ZFHX3: variants seen among roughly 807,000 people sequenced by gnomAD.
ZFHX3 encodes the protein zinc finger homeobox protein 3.
ZFHX3 carries 42 observed loss-of-function variants against 279.1 expected under a neutral mutation model. That is an observed-to-expected ratio of 0.15 (90% CI 0.12 to 0.19). ZFHX3 has a LOEUF of 0.19. Among genes scored for constraint, ZFHX3 ranks in the 10% least tolerant of loss-of-function variants. ZFHX3 has a pLI of 1.00. For synonymous variants in ZFHX3, 2,293 were observed against 1,957.8 expected (o/e 1.17, Z -4.52); for missense variants, 4,981 against 4,754.0 (o/e 1.05, Z -1.40).
rs181255397 is a variant in ZFHX3, at chr16:73,740,267, G to A, written c.-1607-60027C>T. Among the ~76,000 whole-genome samples, 39 of 151,212 alleles carry A rather than the reference G, an allele frequency of 2.6e-4. 1 individual carries two copies. The highest frequency in any genetic ancestry group is 9.4e-4 in the African/African-American group (38 of 40,604). ...TCCTCTACACACTCCTTGGGCACTG[G>A]GCTTGCTTTGTGTCATTAACTACCA... On this transcript the variant is annotated intron_variant, in intron 1 of 17. Transcript: ENST00000641206.
At chr16:73,340,499 G>C (rs1279728488) in intron 3 of ZFHX3, among the ~76,000 whole-genome samples, 1 of 152,160 alleles carries the variant, frequency 6.6e-6, no homozygotes, top group Non-Finnish European at 1.5e-5. Context: ...TGGGATTATA[G>C]GTGCATGCCA....
chr16:73,778,236 TAAAAAAAAAAAAA>T (rs10654824), intron 1 of ZFHX3, among the ~76,000 whole-genome samples: 1 of 58,706 alleles, frequency 1.7e-5, no homozygotes, highest in African/African-American at 7.9e-5. Flanking sequence ...GAAGGAGTGT[TAAAAAAAAAAAAA>T]AAAAAAAAAA....
intron 3 of ZFHX3, among the ~76,000 whole-genome samples, chr16:72,947,736 G>A (rs952313117): frequency 1.8e-4 from 27 of 152,136 alleles, no homozygotes; most frequent in African/African-American, 6.5e-4. Context: ...TGAGGAAGGA[G>A]GGTTGTGTGT....
intron 3 of ZFHX3, among the ~76,000 whole-genome samples, chr16:73,375,732 T>G (rs1216754441): frequency 6.6e-6 from 1 of 152,202 alleles, no homozygotes; most frequent in Non-Finnish European, 1.5e-5. Context: ...AATACTTATT[T>G]GCTTTATCCC....
chr16:73,093,764 C>T (rs779656784), intron 7 of ZFHX3: 75 of 271,082 alleles, frequency 2.8e-4, no homozygotes, highest in Non-Finnish European at 3.8e-4. Flanking sequence ...GAAAGAAAAA[C>T]GCAACCTAAA....
chr16:73,402,531 T>C (rs1361337327), intron 3 of ZFHX3: 2 of 152,194 alleles, frequency 1.3e-5, no homozygotes, highest in Non-Finnish European at 2.9e-5. Context: ...TCTACTTAAC[T>C]TGTTGAGAAT....
chr16:73,427,772 A>G (rs563131948), intron 3 of ZFHX3, among the ~76,000 whole-genome samples: 1 of 141,962 alleles, frequency 7.0e-6, no homozygotes, highest in South Asian at 2.2e-4. Context: ...TGTCTCTACT[A>G]AAAAAAAAAA....
At chr16:73,050,926 A>C (rs1054053738), upstream of ZFHX3, among the ~76,000 whole-genome samples, 5 of 152,158 alleles carry the variant, frequency 3.3e-5, no homozygotes, top group Non-Finnish European at 7.4e-5. Context: ...CCACTCTCCA[A>C]GCCAGAGGCC....
At chr16:72,865,532 C>T (rs1372287151) in intron 4 of ZFHX3, among the ~76,000 whole-genome samples, 1 of 152,220 alleles carries the variant, frequency 6.6e-6, no homozygotes, top group Non-Finnish European at 1.5e-5. Flanking sequence ...TGTCCCCACC[C>T]AATGTGCCAA....
chr16:73,353,150 T>C (rs1425689091), intron 3 of ZFHX3, among the ~76,000 whole-genome samples: 1 of 152,198 alleles, frequency 6.6e-6, no homozygotes, highest in Non-Finnish European at 1.5e-5. Context: ...GCATTCATGA[T>C]TGACCTGCTG....
intron 8 of ZFHX3, among the ~76,000 whole-genome samples, chr16:73,073,535 T>C (rs1965849476): frequency 6.6e-6 from 1 of 152,132 alleles, no homozygotes; most frequent in Admixed American, 6.5e-5. Context: ...GTATCACTCT[T>C]TTGCCCAGGT....
chr16:73,139,438 A>C (rs186019194), intron 6 of ZFHX3, among the ~76,000 whole-genome samples: 1 of 152,354 alleles, frequency 6.6e-6, no homozygotes, highest in East Asian at 1.9e-4. Flanking sequence ...TTTAATTTTT[A>C]TGCTTTGATA....
At chr16:73,054,891 ACT>A (rs752474328) in intron 1 of ZFHX3, among the ~76,000 whole-genome samples, 123 of 151,974 alleles carry the variant, frequency 8.1e-4, no homozygotes, top group Non-Finnish European at 1.6e-3. Flanking sequence ...ACCCCTGCCA[ACT>A]CTCTCTCTCT....
Position 73,743,703 on chromosome 16 carries a change from T to G in ZFHX3, c.-1607-63463A>C, listed in dbSNP as rs187512145. On this transcript the variant is annotated intron_variant, in intron 1 of 17. Coordinates refer to the ZFHX3 transcript ENST00000641206. ...AGAGGTACCGTATTTGTTATCAGAA[T>G]GACTATAAATCCTTGCTGTGAACCA... Among the ~76,000 whole-genome samples the G allele has an allele frequency of 1.9e-3, 287 of 152,304 alleles. 1 individual carries two copies. The highest frequency in any genetic ancestry group is 6.2e-3 in the African/African-American group (258 of 41,564).
At chr16:72,844,663 T>C (rs2037432673) in intron 4 of ZFHX3, among the ~76,000 whole-genome samples, 1 of 152,142 alleles carries the variant, frequency 6.6e-6, no homozygotes, top group South Asian at 2.1e-4. Context: ...TCCCCGTTCT[T>C]AGAAAATGCA....
chr16:72,875,484 G>C (rs2038285804), intron 4 of ZFHX3, among the ~76,000 whole-genome samples: 1 of 152,242 alleles, frequency 6.6e-6, no homozygotes, highest in Admixed American at 6.5e-5. Flanking sequence ...CAGCCTGCTA[G>C]AGGCCAGATC....
intron 6 of ZFHX3, among the ~76,000 whole-genome samples, chr16:73,141,280 C>T (rs1364814917): frequency 6.6e-6 from 1 of 152,140 alleles, no homozygotes; most frequent in African/African-American, 2.4e-5. Flanking sequence ...CAATGTATTA[C>T]CCATTTAAAA....
intron 4 of ZFHX3, among the ~76,000 whole-genome samples, chr16:73,314,456 G>A (rs954712230): frequency 6.6e-6 from 1 of 152,178 alleles, no homozygotes; most frequent in Non-Finnish European, 1.5e-5. Flanking sequence ...GAGACCCAGA[G>A]ACATTCAAGA....
intron 2 of ZFHX3, among the ~76,000 whole-genome samples, chr16:73,464,988 T>C (rs1434751292): frequency 6.6e-6 from 1 of 152,220 alleles, no homozygotes; most frequent in African/African-American, 2.4e-5. Flanking sequence ...CGCCTTCACA[T>C]GGGCAGGCAG....
Sources: allele counts gnomAD v4.1 joint callset (sites outside exome capture counted in the v4.1 genomes callset), GRCh38; gene constraint gnomAD v4.1.1; transcripts MANE v1.5; gene names NCBI Gene and HGNC (gene_info 2026-07-23, HGNC 2026-07-21).